Variants in WDR64 observed in about 807,000 individuals in gnomAD.
WDR64 encodes the protein WD repeat-containing protein 64.
Under a neutral mutation model 139.3 loss-of-function variants are expected in WDR64, and 112 were observed. That is an observed-to-expected ratio of 0.80 (90% CI 0.69 to 0.94). The LOEUF (loss-of-function observed/expected upper bound fraction) is 0.94, where lower values mean the gene tolerates loss of function less well. Among genes scored for constraint, WDR64 ranks in the 40% least tolerant of loss-of-function variants. The pLI is 0.00. For missense variants in WDR64, 1,206 were observed against 1,293.1 expected (o/e 0.93, Z 1.03); for synonymous variants, 444 against 437.7 (o/e 1.01, Z -0.18).
chr1:241,765,799 T>C (rs1558514710), intron 15 of WDR64, among the ~76,000 whole-genome samples: 1 of 152,114 alleles, frequency 6.6e-6, no homozygotes, highest in Non-Finnish European at 1.5e-5. Context: ...GGCAAGACAA[T>C]TGAAAAAGAT....
chr1:241,654,806 T>C (rs1033616079), intron 1 of WDR64, among the ~76,000 whole-genome samples: 3 of 152,230 alleles, frequency 2.0e-5, no homozygotes, highest in Middle Eastern at 3.2e-3. Flanking sequence ...ATACAAACTT[T>C]GTTTCATGCA....
At chr1:241,696,133 A>AAAAAAAAAAAAAAAAAAAC in intron 8 of WDR64, among the ~76,000 whole-genome samples, 1 of 149,616 alleles carries the variant, frequency 6.7e-6, no homozygotes, top group African/African-American at 2.5e-5. Flanking sequence ...AAAAAAAAAA[A>AAAAAAAAAAAAAAAAAAAC]AAAAAAAAGC....
intron 22 of WDR64, among the ~76,000 whole-genome samples, chr1:241,782,379 C>G (rs6667348): frequency 6.6e-6 from 1 of 152,084 alleles, no homozygotes; most frequent in Non-Finnish European, 1.5e-5. Context: ...CAAATTTAGG[C>G]GGAATTGCGC....
intron 17 of WDR64, chr1:241,770,341 G>A (rs1658381493): frequency 3.4e-6 from 1 of 291,216 alleles, no homozygotes; most frequent in Non-Finnish European, 6.3e-6. Flanking sequence ...GAGCCTCTGG[G>A]ACTAAATCTA....
At chr1:241,654,155 A>G (rs1665486084) in intron 1 of WDR64, among the ~76,000 whole-genome samples, 2 of 151,664 alleles carry the variant, frequency 1.3e-5, no homozygotes, top group African/African-American at 4.8e-5. Flanking sequence ...TGTCCTTTCT[A>G]TTTCTCCTCC....
intron 24 of WDR64, 56 bp downstream of exon 24, chr1:241,788,090 C>T: frequency 7.0e-7 from 1 of 1,433,566 alleles, no homozygotes; most frequent in Non-Finnish European, 9.3e-7. Context: ...TGTTGAGATG[C>T]TGTGGCACTG....
chr1:241,727,068 G>A (rs1364814150), intron 10 of WDR64, among the ~76,000 whole-genome samples: 1 of 151,950 alleles, frequency 6.6e-6, no homozygotes, highest in African/African-American at 2.4e-5. Flanking sequence ...TGTATTTTTA[G>A]TAGAGACAGG....
chr1:241,740,766 A>G (rs983186692), intron 11 of WDR64, among the ~76,000 whole-genome samples: 37 of 151,970 alleles, frequency 2.4e-4, no homozygotes, highest in African/African-American at 8.7e-4. Flanking sequence ...CCGGGGTTCA[A>G]GTGATTCTCC....
At chr1:241,671,254 T>C in intron 3 of WDR64, 78 bp downstream of exon 3, 4 of 997,360 alleles carry the variant, frequency 4.0e-6, no homozygotes, top group African/African-American at 1.6e-5. Context: ...ATATTTTCCA[T>C]AGAATCACTT....
chr1:241,749,805 A>G, intron 14 of WDR64, 83 bp downstream of exon 14: 1 of 1,436,842 alleles, frequency 7.0e-7, no homozygotes, highest in Non-Finnish European at 9.6e-7. Flanking sequence ...CCCACCATGT[A>G]ACCCCGCTCT....
chr1:241,674,984 C>G (rs1374279652), intron 4 of WDR64, among the ~76,000 whole-genome samples: 1 of 36,708 alleles, frequency 2.7e-5, no homozygotes, highest in African/African-American at 7.2e-5. Flanking sequence ...TTCCTTCTTT[C>G]CTCCCTTTCT....
intron 9 of WDR64, among the ~76,000 whole-genome samples, chr1:241,719,195 TTTTCCCCTC>T (rs1477176865): frequency 6.6e-6 from 1 of 152,188 alleles, no homozygotes; most frequent in African/African-American, 2.4e-5. Flanking sequence ...GAATACATGT[TTTTCCCCTC>T]TTTGGGGACT....
intron 2 of WDR64, among the ~76,000 whole-genome samples, chr1:241,663,151 T>C (rs532784482): frequency 6.6e-6 from 1 of 152,272 alleles, no homozygotes; most frequent in Admixed American, 6.5e-5. Flanking sequence ...GGAGAAAGTA[T>C]CATGGGATAA....
At chr1:241,659,807 A>C (rs1350036676) in intron 1 of WDR64, among the ~76,000 whole-genome samples, 1 of 152,180 alleles carries the variant, frequency 6.6e-6, no homozygotes, top group Non-Finnish European at 1.5e-5. Flanking sequence ...GCTGGATATT[A>C]GACCTTTGTC....
rs1284099288 is a variant in WDR64 at position 241,700,034 on chromosome 1, TAGAAG to T, written c.975-11763_975-11759del. ...TGATGAAGATATGACAATACTACTTTAGAAGAGAAATGATGAGCGCTTGGGCTTAA... is the reference window on the plus strand; with the variant it reads ...TGATGAAGATATGACAATACTACTTTAGAAATGATGAGCGCTTGGGCTTAA... On this transcript the variant is annotated intron_variant, in intron 8 of 27. Coordinates refer to ENST00000437684, the MANE Select transcript of WDR64 (RefSeq NM_001367482.1). Among the ~76,000 whole-genome samples, 4 of 151,706 alleles carry T rather than the reference TAGAAG, an allele frequency of 2.6e-5. No homozygotes were observed. The South Asian group carries it at 8.4e-4, about 32-fold the overall frequency.
At chr1:241,692,921 G>T (rs914091401) in intron 8 of WDR64, among the ~76,000 whole-genome samples, 1 of 152,180 alleles carries the variant, frequency 6.6e-6, no homozygotes, top group African/African-American at 2.4e-5. Flanking sequence ...CCAAATGCTG[G>T]TGGGGTGTGG....
At chr1:241,794,502 C>CTTTTTTTTTTTTTTTTTT (rs1659299229) in intron 25 of WDR64, among the ~76,000 whole-genome samples, 2 of 105,024 alleles carry the variant, frequency 1.9e-5, no homozygotes, top group Non-Finnish European at 1.8e-5. Flanking sequence ...TTAAGCTTTA[C>CTTTTTTTTTTTTTTTTTT]TGTTTTTTTT....
At chr1:241,796,968 G>A (rs1659386092) in intron 27 of WDR64, among the ~76,000 whole-genome samples, 1 of 152,162 alleles carries the variant, frequency 6.6e-6, no homozygotes, top group African/African-American at 2.4e-5. Context: ...TTAGAAACTA[G>A]GAGATTTGAC....
chr1:241,755,314 C>T lies in WDR64; in HGVS notation c.1771-1969C>T, dbSNP rs533760062. Among the ~76,000 whole-genome samples the T allele has an allele frequency of 4.6e-5, 7 of 152,268 alleles. No homozygotes were observed. In the South Asian group the frequency reaches 6.2e-4, roughly 14 times the overall value. On this transcript the variant is annotated intron_variant, in intron 14 of 27. Transcript: ENST00000437684. ...TTGGTTTTGATTTGCATTTCTCTAACGACCAGTGATGATGAGCTTTTTTTC... is the reference window on the plus strand; with the variant it reads ...TTGGTTTTGATTTGCATTTCTCTAATGACCAGTGATGATGAGCTTTTTTTC...
Sources: gnomAD v4.1 joint callset for allele counts (sites outside exome capture counted in the v4.1 genomes callset) on GRCh38, gnomAD v4.1.1 for gene constraint, MANE v1.5 for transcripts, NCBI Gene and HGNC (gene_info 2026-07-23, HGNC 2026-07-21) for gene names.